Variants in PLD5 observed in about 807,000 individuals in gnomAD.
PLD5 encodes phospholipase D family member 5.
PLD5 carries 36 observed loss-of-function variants against 61.1 expected under a neutral mutation model. That is an observed-to-expected ratio of 0.59 (90% CI 0.45 to 0.78). The LOEUF (loss-of-function observed/expected upper bound fraction) is 0.78. Among genes scored for constraint, PLD5 ranks in the 30% least tolerant of loss-of-function variants. The pLI is 0.00. For synonymous variants in PLD5, 243 were observed against 242.8 expected, an observed-to-expected ratio of 1.00 and a Z score of -0.01; for missense variants, 515 against 644.4, an observed-to-expected ratio of 0.80 and a Z score of 2.17.
intron 4 of PLD5, among the ~76,000 whole-genome samples, chr1:242,248,654 A>G (rs1229284614): frequency 6.6e-6 from 1 of 151,872 alleles, no homozygotes; most frequent in African/African-American, 2.4e-5. Flanking sequence ...TCTTCTGGGC[A>G]GCTGCCCTCA....
chr1:242,395,655 G>T (rs74822447), intron 1 of PLD5, among the ~76,000 whole-genome samples: 5 of 152,136 alleles, frequency 3.3e-5, no homozygotes, highest in Admixed American at 6.6e-5. Flanking sequence ...AGATGACCAC[G>T]GCTAATGGAA....
chr1:242,510,593 C>T (rs1668873106), intron 1 of PLD5, among the ~76,000 whole-genome samples: 1 of 152,258 alleles, frequency 6.6e-6, no homozygotes, highest in East Asian at 1.9e-4. Flanking sequence ...CGCCTGTAAT[C>T]CCAGCACTTT....
intron 4 of PLD5, among the ~76,000 whole-genome samples, chr1:242,233,281 G>C (rs1172019844): frequency 6.6e-6 from 1 of 152,164 alleles, no homozygotes; most frequent in Non-Finnish European, 1.5e-5. Flanking sequence ...AGGTATAAGG[G>C]ACTGAGTCTC....
chr1:242,411,583 GCC>G (rs1664561606), intron 1 of PLD5, among the ~76,000 whole-genome samples: 1 of 152,142 alleles, frequency 6.6e-6, no homozygotes, highest in South Asian at 2.1e-4. Flanking sequence ...CTGAATTTTA[GCC>G]CCTAATATGG....
chr1:242,477,329 A>T (rs939245247), intron 1 of PLD5, among the ~76,000 whole-genome samples: 3 of 152,174 alleles, frequency 2.0e-5, no homozygotes, highest in African/African-American at 4.8e-5. Flanking sequence ...TTGTTAGCTG[A>T]GTTTTAAGAA....
intron 1 of PLD5, among the ~76,000 whole-genome samples, chr1:242,477,804 G>C (rs1667645026): frequency 6.6e-6 from 1 of 152,168 alleles, no homozygotes; most frequent in African/African-American, 2.4e-5. Context: ...TTTAAGATTA[G>C]CCTGGAGCAA....
At chr1:242,349,230 T>C (rs1383257383) in intron 1 of PLD5, among the ~76,000 whole-genome samples, 1 of 152,158 alleles carries the variant, frequency 6.6e-6, no homozygotes, top group Non-Finnish European at 1.5e-5. Flanking sequence ...TCTGAGTTAC[T>C]ATAAGGGGTT....
chr1:242,116,231 C>T (rs2148711565), intron 6 of PLD5, among the ~76,000 whole-genome samples: 1 of 152,166 alleles, frequency 6.6e-6, no homozygotes, highest in Middle Eastern at 3.4e-3. Context: ...AGTAGGAGTC[C>T]CCACCCCAGC....
chr1:242,257,924 G>A (rs1673170988), intron 4 of PLD5, among the ~76,000 whole-genome samples: 1 of 152,130 alleles, frequency 6.6e-6, no homozygotes, highest in Admixed American at 6.5e-5. Context: ...GTTTACCACT[G>A]CGTGTTTGCT....
chr1:242,483,370 G>C (rs373927966), intron 1 of PLD5, among the ~76,000 whole-genome samples: 5 of 151,990 alleles, frequency 3.3e-5, no homozygotes, highest in African/African-American at 4.8e-5. Flanking sequence ...GAAGATCTAC[G>C]AAGCAAATGG....
chr1:242,523,449 G>A (rs1482794470), intron 1 of PLD5, among the ~76,000 whole-genome samples: 1 of 151,474 alleles, frequency 6.6e-6, no homozygotes, highest in African/African-American at 2.4e-5. Context: ...CCCTCTCACC[G>A]GCTCCCACCC....
At chr1:242,348,038 T>C (rs1660238774) in intron 2 of PLD5, 68 bp downstream of exon 2, 2 of 1,563,642 alleles carry the variant, frequency 1.3e-6, no homozygotes, top group African/African-American at 1.4e-5. Flanking sequence ...CTCTTCTCCA[T>C]TGTTCAAGGC....
intron 1 of PLD5, among the ~76,000 whole-genome samples, chr1:242,497,435 C>G (rs903269636): frequency 2.6e-5 from 4 of 152,180 alleles, no homozygotes; most frequent in African/African-American, 9.6e-5. Flanking sequence ...AGATCTTTCT[C>G]TTCCTCTAAA....
At chr1:242,120,684 C>G (rs1662296784) in intron 6 of PLD5, among the ~76,000 whole-genome samples, 1 of 152,174 alleles carries the variant, frequency 6.6e-6, no homozygotes, top group Non-Finnish European at 1.5e-5. Context: ...TGAAATCTGT[C>G]TAACATCTAG....
intron 2 of PLD5, among the ~76,000 whole-genome samples, chr1:242,337,920 G>T (rs1162563449): frequency 2.0e-5 from 3 of 152,136 alleles, no homozygotes; most frequent in Admixed American, 6.5e-5. Context: ...TGTCGTTCAC[G>T]TTGGTTTGCA....
chr1:242,349,052 T>TCAAA (rs567551466), intron 1 of PLD5, among the ~76,000 whole-genome samples: 12 of 152,094 alleles, frequency 7.9e-5, no homozygotes, highest in African/African-American at 1.7e-4. Context: ...AGACTCCATC[T>TCAAA]CAAACAAACA....
At chr1:242,485,243 C>A (rs1362133113) in intron 1 of PLD5, among the ~76,000 whole-genome samples, 1 of 152,050 alleles carries the variant, frequency 6.6e-6, no homozygotes, top group Non-Finnish European at 1.5e-5. Context: ...AAAGGGTATT[C>A]AATTAGGAAA....
At chr1:242,106,307 T>C (rs1321813814) in intron 8 of PLD5, among the ~76,000 whole-genome samples, 1 of 152,222 alleles carries the variant, frequency 6.6e-6, no homozygotes, top group African/African-American at 2.4e-5. Flanking sequence ...TCAGGCTTGA[T>C]GTCCAGAAAT....
At chr1:242,456,076 G>A (rs1373419526) in intron 1 of PLD5, among the ~76,000 whole-genome samples, 1 of 152,218 alleles carries the variant, frequency 6.6e-6, no homozygotes, top group East Asian at 1.9e-4. Context: ...GAGTGTGTCA[G>A]CTTGATTTAT....
Sources: allele counts gnomAD v4.1 joint callset (sites outside exome capture counted in the v4.1 genomes callset), GRCh38; gene constraint gnomAD v4.1.1; transcripts MANE v1.5; gene names NCBI Gene and HGNC (gene_info 2026-07-23, HGNC 2026-07-21).